Variants in ANKS1B observed in about 807,000 individuals in gnomAD.
ANKS1B encodes the protein ankyrin repeat and sterile alpha motif domain containing 1B, also known as ankyrin repeat and sterile alpha motif domain-containing protein 1B.
A neutral mutation model predicts 148.3 loss-of-function variants in ANKS1B; 36 were observed. The ratio of observed to expected loss-of-function variants is 0.24; its 90% CI spans 0.19 to 0.32. The LOEUF is 0.32. ANKS1B is among the 10% of genes least tolerant of loss of function. The pLI is 1.00. For synonymous variants in ANKS1B, 542 were observed against 560.8 expected, an observed-to-expected ratio of 0.97 and a Z score of 0.47; for missense variants, 1,157 against 1,542.6, an observed-to-expected ratio of 0.75 and a Z score of 4.19.
Position 98,751,308 on chromosome 12 carries a change from T to C in ANKS1B, c.3747+47A>G, listed in dbSNP as rs2098084327. On this transcript the variant is annotated intron_variant, in intron 26 of 26. Coordinates refer to ENST00000683438, the MANE Select transcript of ANKS1B (RefSeq NM_001352186.2). This position sits in a 1 kb window ranked among gnomAD's most constrained non-coding sequence, Gnocchi z 4.3. ...CAAGGGCCTGGTTAGCAGCCCCTTT[T>C]CCTCCTGTTCAAGGTTTTTTAGAAC... 1 of 1,591,784 alleles carries C rather than the reference T, an allele frequency of 6.3e-7. No individual in the cohort carries two copies. The highest frequency in any genetic ancestry group is 1.3e-5 in the African/African-American group (1 of 74,300).
At chr12:99,302,971 T>C (rs1015149695) in intron 12 of ANKS1B, among the ~76,000 whole-genome samples, 14 of 152,148 alleles carry the variant, frequency 9.2e-5, no homozygotes, top group Non-Finnish European at 1.6e-4. Flanking sequence ...TTATGTTCTT[T>C]AGGCTAATTG....
intron 9 of ANKS1B, among the ~76,000 whole-genome samples, chr12:99,610,941 C>T (rs10400444): frequency 0.011 from 1,623 of 152,048 alleles, 36 homozygotes; most frequent in African/African-American, 0.037. Context: ...AGATAAGGTA[C>T]CTCAAAAGTC....
intron 8 of ANKS1B, among the ~76,000 whole-genome samples, chr12:99,756,428 A>G (rs1450438913): frequency 1.3e-5 from 2 of 152,106 alleles, no homozygotes; most frequent in Admixed American, 6.6e-5. Flanking sequence ...CAAAGAAATC[A>G]GAGATGACAC....
chr12:98,848,544 T>G (rs1196236441), intron 17 of ANKS1B, among the ~76,000 whole-genome samples: 2 of 151,422 alleles, frequency 1.3e-5, no homozygotes, highest in African/African-American at 4.9e-5. Flanking sequence ...TTTCATGAGA[T>G]TCAAGTAATT....
intron 9 of ANKS1B, among the ~76,000 whole-genome samples, chr12:98,738,008 G>A (rs2097781817): frequency 6.6e-6 from 1 of 152,214 alleles, no homozygotes; most frequent in Admixed American, 6.5e-5. Context: ...ATACTATACA[G>A]TTATTAAAAT....
intron 17 of ANKS1B, among the ~76,000 whole-genome samples, chr12:98,926,651 T>G (rs2099808689): frequency 6.6e-6 from 1 of 152,140 alleles, no homozygotes; most frequent in Non-Finnish European, 1.5e-5. Context: ...AGGGAAAGTA[T>G]GAAAATAACG....
At chr12:99,117,733 C>T (rs1255083166) in intron 15 of ANKS1B, among the ~76,000 whole-genome samples, 1 of 152,094 alleles carries the variant, frequency 6.6e-6, no homozygotes. Flanking sequence ...GGGAGGAGTC[C>T]CTCTTTTTCT....
chr12:99,472,796 C>T (rs528083222), intron 10 of ANKS1B, among the ~76,000 whole-genome samples: 1 of 152,050 alleles, frequency 6.6e-6, no homozygotes, highest in Non-Finnish European at 1.5e-5. Flanking sequence ...ATGAGTTAAA[C>T]TGCGCTTAAA....
chr12:98,804,411 C>T (rs2099033269), intron 20 of ANKS1B, among the ~76,000 whole-genome samples: 2 of 131,062 alleles, frequency 1.5e-5, no homozygotes, highest in Non-Finnish European at 3.2e-5. Flanking sequence ...CTCTCCCCAC[C>T]CCTGCCTATT....
Position 99,702,103 on chromosome 12 carries a change from G to C in ANKS1B, c.1129-46893C>G, listed in dbSNP as rs532562173. On this transcript the variant is annotated intron_variant, in intron 8 of 26. Coordinates refer to ENST00000683438, the MANE Select transcript of ANKS1B (RefSeq NM_001352186.2). Reference sequence around the variant, plus strand: ...ATGGTAGTTCTATTTTTAGTTTTTTGAGGAACCTCCATATTGTCTTCCATA... The same window carrying C: ...ATGGTAGTTCTATTTTTAGTTTTTTCAGGAACCTCCATATTGTCTTCCATA... Among the ~76,000 whole-genome samples, 328 of 152,066 alleles carry C rather than the reference G, an allele frequency of 2.2e-3. 3 individuals are homozygous for C. The highest frequency in any genetic ancestry group is 1.7e-3 in the Non-Finnish European group (117 of 67,968).
chr12:99,480,725 T>G (rs1480868383), intron 10 of ANKS1B, among the ~76,000 whole-genome samples: 1 of 151,886 alleles, frequency 6.6e-6, no homozygotes, highest in Non-Finnish European at 1.5e-5. Flanking sequence ...GTTTTTGTAT[T>G]CAATGAACAG....
At chr12:98,980,483 G>C (rs750484945) in intron 17 of ANKS1B, among the ~76,000 whole-genome samples, 1 of 152,212 alleles carries the variant, frequency 6.6e-6, no homozygotes, top group Non-Finnish European at 1.5e-5. Flanking sequence ...TGGGATTACA[G>C]GTGTGAGCCA....
At chr12:99,885,048 T>C (rs1447072167) in intron 1 of ANKS1B, among the ~76,000 whole-genome samples, 1 of 151,978 alleles carries the variant, frequency 6.6e-6, no homozygotes, top group Non-Finnish European at 1.5e-5. Flanking sequence ...AAATGAAAAA[T>C]ATAGTATTTA....
chr12:98,747,836 G>C (rs146942668), intron 26 of ANKS1B, among the ~76,000 whole-genome samples: 1 of 152,198 alleles, frequency 6.6e-6, no homozygotes, highest in Admixed American at 6.5e-5. Flanking sequence ...ATTATGTTGA[G>C]TGAAATAAGC....
intron 2 of ANKS1B, among the ~76,000 whole-genome samples, chr12:99,815,616 C>T (rs951867359): frequency 6.9e-6 from 1 of 144,686 alleles, no homozygotes; most frequent in Non-Finnish European, 1.5e-5. Flanking sequence ...ATGTTTCCAG[C>T]GTGTTGTGTT....
chr12:99,047,317 T>C (rs1164100399), intron 17 of ANKS1B, among the ~76,000 whole-genome samples: 1 of 151,836 alleles, frequency 6.6e-6, no homozygotes, highest in African/African-American at 2.4e-5. Context: ...GGAGAATCGC[T>C]TGAACCTGGG....
At chr12:99,515,864 G>A (rs1332679983) in intron 9 of ANKS1B, among the ~76,000 whole-genome samples, 2 of 152,098 alleles carry the variant, frequency 1.3e-5, no homozygotes, top group African/African-American at 2.4e-5. Flanking sequence ...TTTAACTGGG[G>A]TGAAATGATA....
chr12:99,825,817 T>C (rs897991967), intron 1 of ANKS1B, among the ~76,000 whole-genome samples: 2 of 152,208 alleles, frequency 1.3e-5, no homozygotes, highest in African/African-American at 4.8e-5. Context: ...TTATAAGATA[T>C]TTTTGCATTG....
intron 1 of ANKS1B, among the ~76,000 whole-genome samples, chr12:99,908,067 T>C (rs575154942): frequency 1.3e-5 from 2 of 152,198 alleles, no homozygotes; most frequent in Admixed American, 1.3e-4. Flanking sequence ...ACATAGCAAA[T>C]AGACATAGAA....
Sources: allele counts gnomAD v4.1 joint callset (sites outside exome capture counted in the v4.1 genomes callset), GRCh38; gene constraint gnomAD v4.1.1; non-coding constraint Gnocchi (gnomAD v3.1); transcripts MANE v1.5; gene names NCBI Gene and HGNC (gene_info 2026-07-23, HGNC 2026-07-21).